The following THSD4 variants were observed in gnomAD, a reference collection of about 807,000 sequenced individuals.
THSD4 encodes the protein thrombospondin type 1 domain containing 4, also known as thrombospondin type-1 domain-containing protein 4.
A neutral mutation model predicts 119.0 loss-of-function variants in THSD4; 69 were observed. The ratio of observed to expected loss-of-function variants is 0.58; its 90% CI spans 0.48 to 0.71. THSD4 has a LOEUF of 0.71. THSD4 is among the 30% of genes least tolerant of loss of function. The pLI, the probability that THSD4 is intolerant of heterozygous loss-of-function variation, is 0.00. For synonymous variants in THSD4, 524 were observed against 540.4 expected, an observed-to-expected ratio of 0.97 and a Z score of 0.42; for missense variants, 1,393 against 1,391.1, an observed-to-expected ratio of 1.00 and a Z score of -0.02.
intron 10 of THSD4, among the ~76,000 whole-genome samples, chr15:71,734,557 A>G (rs1454049550): frequency 6.6e-6 from 1 of 152,146 alleles, no homozygotes; most frequent in African/African-American, 2.4e-5. Flanking sequence ...TCTGTGTGAT[A>G]TTACACTGGC....
At chr15:71,503,264 A>C (rs916557525) in intron 7 of THSD4, among the ~76,000 whole-genome samples, 1 of 152,204 alleles carries the variant, frequency 6.6e-6, no homozygotes. Flanking sequence ...TAGAAAGAGG[A>C]CCAGCATTGA....
chr15:71,671,748 C>T lies in THSD4; in HGVS notation c.1357+11014C>T, dbSNP rs545922565. Among the ~76,000 whole-genome samples the T allele has an allele frequency of 1.8e-4, 28 of 152,286 alleles. No homozygotes were observed. In the South Asian group the frequency reaches 5.6e-3, roughly 30 times the overall value. ...CCATTTATTAAATAGGGAATCCTTT[C>T]CCCACTTCTTGTTTTTGTTAGGTTT... is the stretch of plus-strand genomic sequence containing the variant. On this transcript the variant is annotated intron_variant, in intron 8 of 17. Transcript: ENST00000261862.
At chr15:71,642,293 G>A (rs967757777) in intron 7 of THSD4, among the ~76,000 whole-genome samples, 2 of 152,138 alleles carry the variant, frequency 1.3e-5, no homozygotes, top group Non-Finnish European at 2.9e-5. Flanking sequence ...TAAAAAGTCT[G>A]GAAACAACAG....
At chr15:71,557,042 C>A (rs1024452441) in intron 7 of THSD4, among the ~76,000 whole-genome samples, 5 of 152,068 alleles carry the variant, frequency 3.3e-5, no homozygotes, top group African/African-American at 9.7e-5. Flanking sequence ...TGAATGGGGG[C>A]AGTATTATTT....
chr15:71,461,849 C>A (rs1368411808), intron 7 of THSD4, among the ~76,000 whole-genome samples: 4 of 149,144 alleles, frequency 2.7e-5, no homozygotes, highest in African/African-American at 5.0e-5. Flanking sequence ...ACAAATAGAT[C>A]AAAACTGAAC....
intron 3 of THSD4, among the ~76,000 whole-genome samples, chr15:71,171,075 T>C (rs1279907055): frequency 6.6e-6 from 1 of 152,052 alleles, no homozygotes; most frequent in Non-Finnish European, 1.5e-5. Context: ...GGCTAATACA[T>C]GGGCAATTAG....
At chr15:71,756,569 G>A (rs577460217) in intron 14 of THSD4, among the ~76,000 whole-genome samples, 104 of 152,216 alleles carry the variant, frequency 6.8e-4, no homozygotes, top group African/African-American at 2.3e-3. Context: ...GATCTCTTGC[G>A]CTCAGGAGTT....
intron 4 of THSD4, among the ~76,000 whole-genome samples, chr15:71,237,870 T>A (rs996123225): frequency 2.0e-5 from 3 of 152,166 alleles, no homozygotes; most frequent in Non-Finnish European, 2.9e-5. Context: ...AGATCACACA[T>A]AACCAGCCCT....
At chr15:71,269,304 C>T (rs11072266) in intron 6 of THSD4, among the ~76,000 whole-genome samples, 150,555 of 152,326 alleles carry the variant, frequency 0.99, 74,422 homozygotes, top group Middle Eastern at 1. Context: ...CATACACAAA[C>T]CAATAAACGT....
At chr15:71,386,672 A>C (rs993087106) in intron 6 of THSD4, among the ~76,000 whole-genome samples, 10 of 152,346 alleles carry the variant, frequency 6.6e-5, no homozygotes, top group African/African-American at 1.2e-4. Context: ...TGACAGGTGG[A>C]CTCAGCTTCG....
At chr15:71,555,299 C>T (rs1441392344) in intron 7 of THSD4, among the ~76,000 whole-genome samples, 2 of 152,136 alleles carry the variant, frequency 1.3e-5, no homozygotes, top group African/African-American at 2.4e-5. Flanking sequence ...TGATTTATCT[C>T]CTTTCCAGTA....
chr15:71,709,035 G>T (rs552731870), intron 8 of THSD4, among the ~76,000 whole-genome samples: 1 of 152,164 alleles, frequency 6.6e-6, no homozygotes, highest in Non-Finnish European at 1.5e-5. Context: ...GTAGAGTCGC[G>T]TGGTGTACAG....
intron 1 of THSD4, among the ~76,000 whole-genome samples, chr15:71,133,773 T>C (rs143680593): frequency 1.4e-4 from 21 of 152,354 alleles, no homozygotes; most frequent in Admixed American, 8.5e-4. Context: ...CCGCCTGATA[T>C]TTCTGCCCTT....
chr15:71,393,046 T>C (rs1188398034), intron 6 of THSD4, among the ~76,000 whole-genome samples: 1 of 152,156 alleles, frequency 6.6e-6, no homozygotes, highest in Non-Finnish European at 1.5e-5. Context: ...TTGTTTGTCT[T>C]TGGGGAAGTG....
Position 71,215,025 on chromosome 15 carries a change from G to A in THSD4, c.100-10G>A, listed in dbSNP as rs986160693. ...TGTTCTGGTCCCCTAACCTGCCTCT[G>A]TCTCCGCAGGTCCCGCAGCGGATGG... On this transcript the variant is annotated splice_polypyrimidine_tract_variant and intron_variant, in intron 3 of 17. Transcript: ENST00000261862. 22 of 1,260,268 alleles carry A rather than the reference G, an allele frequency of 1.7e-5. No homozygotes were observed. Among genetic ancestry groups the A allele is most frequent in the African/African-American group, 1.1e-4 (7 of 63,934 alleles). 78.1% of individuals were successfully genotyped at this position (1,260,268 alleles called of 1,614,324 possible).
In THSD4 at chr15:71,426,144, G is replaced by A. The variant is rs532517247; in HGVS notation, c.1152+14321G>A. Among the ~76,000 whole-genome samples, 23 of 152,240 alleles carry A rather than the reference G, an allele frequency of 1.5e-4. No individual in the cohort carries two copies. The South Asian group carries it at 3.7e-3, about 25-fold the overall frequency. ...CGCCCCACTGTAGGGCGTTTCCTGC[G>A]GCTCTGCCATCCACTCACACTCAGT... On this transcript the variant is annotated intron_variant, in intron 7 of 17. Transcript: ENST00000261862.
intron 6 of THSD4, among the ~76,000 whole-genome samples, chr15:71,269,410 T>TA (rs1259335906): frequency 6.6e-6 from 1 of 152,210 alleles, no homozygotes; most frequent in East Asian, 1.9e-4. Context: ...CCCTTCATGC[T>TA]AAAAACTCTC....
At chr15:71,442,695 T>TATATAC (rs2047126308) in intron 7 of THSD4, among the ~76,000 whole-genome samples, 3 of 118,440 alleles carry the variant, frequency 2.5e-5, no homozygotes, top group African/African-American at 9.2e-5. Flanking sequence ...TATATATATA[T>TATATAC]ATATATATGA....
At chr15:71,750,237 C>A (rs567621397) in intron 14 of THSD4, among the ~76,000 whole-genome samples, 1 of 152,160 alleles carries the variant, frequency 6.6e-6, no homozygotes, top group Non-Finnish European at 1.5e-5. Flanking sequence ...CAAAGAAGGA[C>A]CCTTTCACGC....
Sources: gnomAD v4.1 joint callset for allele counts (sites outside exome capture counted in the v4.1 genomes callset) on GRCh38, gnomAD v4.1.1 for gene constraint, MANE v1.5 for transcripts, NCBI Gene and HGNC (gene_info 2026-07-23, HGNC 2026-07-21) for gene names.